TTLL9: variants seen among roughly 807,000 people sequenced by gnomAD.
TTLL9 encodes the protein probable tubulin polyglutamylase TTLL9.
A neutral mutation model predicts 65.6 loss-of-function variants in TTLL9; 47 were observed. The ratio of observed to expected loss-of-function variants is 0.72; its 90% CI spans 0.57 to 0.91. TTLL9 has a LOEUF of 0.91. TTLL9 is among the 40% of genes least tolerant of loss of function. TTLL9 has a pLI of 0.00. For synonymous variants in TTLL9, 179 were observed against 204.8 expected (o/e 0.87, Z 1.07); for missense variants, 537 against 568.8 (o/e 0.94, Z 0.57).
chr20:31,930,433 A>G (rs2063989525), intron 10 of TTLL9, among the ~76,000 whole-genome samples: 1 of 152,168 alleles, frequency 6.6e-6, no homozygotes, highest in Non-Finnish European at 1.5e-5. Context: ...GAAATTATAT[A>G]TCTTCTATTA....
chr20:31,902,944 A>C (rs2063499098), intron 4 of TTLL9, among the ~76,000 whole-genome samples: 1 of 151,954 alleles, frequency 6.6e-6, no homozygotes, highest in Non-Finnish European at 1.5e-5. Flanking sequence ...GCCAACTACA[A>C]CCTTGACCTC....
chr20:31,886,207 T>C (rs1051772244), intron 2 of TTLL9, among the ~76,000 whole-genome samples: 1 of 152,196 alleles, frequency 6.6e-6, no homozygotes, highest in African/African-American at 2.4e-5. Context: ...TGGATTCCCA[T>C]CATTTTAAGC....
intron 10 of TTLL9, among the ~76,000 whole-genome samples, chr20:31,930,153 AT>A (rs2063983255): frequency 6.6e-6 from 1 of 151,758 alleles, no homozygotes; most frequent in South Asian, 2.1e-4. Context: ...AAAATAAAAT[AT>A]TTTTACCCTC....
At chr20:31,885,008 T>C (rs886692291) in intron 2 of TTLL9, among the ~76,000 whole-genome samples, 7 of 152,152 alleles carry the variant, frequency 4.6e-5, no homozygotes, top group African/African-American at 1.7e-4. Context: ...TAATTAAAAA[T>C]GTACAAGGCT....
intron 14 of TTLL9, among the ~76,000 whole-genome samples, chr20:31,941,504 T>C (rs979276642): frequency 6.6e-5 from 10 of 152,184 alleles, no homozygotes; most frequent in South Asian, 4.2e-4. Flanking sequence ...ATCAGTAGCT[T>C]TTAAAGCTCC....
Position 31,937,528 on chromosome 20 carries a change from G to T in TTLL9, c.1118+19G>T. 1 of 1,590,176 alleles carries T rather than the reference G, an allele frequency of 6.3e-7. No individual in the cohort carries two copies. The stretch of plus-strand genomic sequence containing the variant: ...AAGCGAGGTGAGGGAGGGCAGCCTT[G>T]ATCACATGTCCTTGTACATGACAAC... On this transcript the variant is annotated intron_variant, in intron 13 of 14. Transcript: ENST00000535842.
Position 31,870,889 on chromosome 20 carries a change from G to T in TTLL9, c.-66G>T. The T allele has an allele frequency of 1.8e-6, 1 of 551,140 alleles. No individual in the cohort carries two copies. Among genetic ancestry groups the T allele is most frequent in the Non-Finnish European group, 3.2e-6 (1 of 312,738 alleles). 34.1% of individuals were successfully genotyped at this position (551,140 alleles called of 1,614,324 possible). A position where few individuals can be genotyped will look rare whatever the true frequency, so the allele number is the denominator to read the frequency against. On this transcript the variant is annotated 5_prime_UTR_variant, in exon 1 of 15. Coordinates refer to ENST00000535842, the MANE Select transcript of TTLL9 (RefSeq NM_001008409.5). This position sits in a 1 kb window ranked among gnomAD's most constrained non-coding sequence, Gnocchi z 6.6. ...CCTCGGCTTCTAGCAGAAACGTGAC[G>T]GGGCTGGACTTTGATCGCCGAGGGC...
intron 7 of TTLL9, among the ~76,000 whole-genome samples, chr20:31,922,132 G>T (rs1437269278): frequency 6.6e-6 from 1 of 152,006 alleles, no homozygotes; most frequent in African/African-American, 2.4e-5. Context: ...AACCATGGTG[G>T]CTGTCACCTG....
At chr20:31,933,318 C>T (rs553089751) in intron 10 of TTLL9, among the ~76,000 whole-genome samples, 1 of 152,024 alleles carries the variant, frequency 6.6e-6, no homozygotes, top group South Asian at 2.1e-4. Flanking sequence ...ACAAAGTGGC[C>T]GCCCAGCCTG....
Position 31,926,044 on chromosome 20 carries a change from C to T in TTLL9, c.706-5C>T, listed in dbSNP as rs1481526238. 6.2e-7 allele frequency: 1 copy of T among 1,613,956 alleles called. No homozygotes were observed. The highest frequency in any genetic ancestry group is 8.5e-7 in the Non-Finnish European group (1 of 1,179,944). ...CAGTCCCAAGTGAACTCCTTTGTCC[C>T]ACAGGTGTTTGCTGAATGCCTGCTG... On this transcript the variant is annotated splice_region_variant and splice_polypyrimidine_tract_variant and intron_variant, in intron 9 of 14. Transcript: ENST00000535842.
At chr20:31,893,773 T>C (rs1388725089) in intron 3 of TTLL9, among the ~76,000 whole-genome samples, 1 of 152,108 alleles carries the variant, frequency 6.6e-6, no homozygotes, top group Admixed American at 6.6e-5. Context: ...ATTGAGCATC[T>C]TGGATCTGTG....
At chr20:31,920,345 G>A (rs906220945) in intron 7 of TTLL9, among the ~76,000 whole-genome samples, 1 of 152,142 alleles carries the variant, frequency 6.6e-6, no homozygotes, top group African/African-American at 2.4e-5. Context: ...TGGCTGGGGA[G>A]AGTTTGGCTG....
intron 6 of TTLL9, among the ~76,000 whole-genome samples, chr20:31,914,147 A>AT (rs2063697836): frequency 6.6e-6 from 1 of 152,234 alleles, no homozygotes; most frequent in South Asian, 2.1e-4. Flanking sequence ...ACATTTTAAC[A>AT]TTCCATCACA....
intron 12 of TTLL9, among the ~76,000 whole-genome samples, chr20:31,936,471 T>C (rs1465478028): frequency 2.0e-5 from 3 of 151,240 alleles, no homozygotes; most frequent in Non-Finnish European, 2.9e-5. Context: ...TTCTGACTCT[T>C]TAAAAAAAAA....
intron 14 of TTLL9, among the ~76,000 whole-genome samples, chr20:31,942,557 TGGCACCAG>T (rs1240498699): frequency 4.6e-5 from 7 of 152,214 alleles, no homozygotes; most frequent in African/African-American, 7.2e-5. Flanking sequence ...AGTGTGGCTC[TGGCACCAG>T]GTAGTCTGGG....
chr20:31,873,066 T>C (rs6058475), intron 2 of TTLL9: 46,203 of 514,372 alleles, frequency 0.09, 3,911 homozygotes, highest in African/African-American at 0.31. Context: ...TGACCTGGGA[T>C]AGAGTGGGAC....
At chr20:31,895,098 T>A (rs1036592235) in intron 3 of TTLL9, among the ~76,000 whole-genome samples, 12 of 152,178 alleles carry the variant, frequency 7.9e-5, no homozygotes, top group Non-Finnish European at 1.8e-4. Context: ...ATACAAGAAG[T>A]AGAACTGCAA....
At chr20:31,885,752 A>G (rs1290045199) in intron 2 of TTLL9, among the ~76,000 whole-genome samples, 3 of 152,186 alleles carry the variant, frequency 2.0e-5, no homozygotes, top group Non-Finnish European at 4.4e-5. Context: ...TGCCTTGTAC[A>G]ATTCTCTCTC....
chr20:31,895,435 A>G (rs2063369177), intron 3 of TTLL9, among the ~76,000 whole-genome samples: 1 of 152,238 alleles, frequency 6.6e-6, no homozygotes, highest in Non-Finnish European at 1.5e-5. Flanking sequence ...TCATGTGGGA[A>G]GCTGTGGTTT....
Sources: gnomAD v4.1 joint callset for allele counts (sites outside exome capture counted in the v4.1 genomes callset) on GRCh38, gnomAD v4.1.1 for gene constraint, Gnocchi (gnomAD v3.1) non-coding constraint, MANE v1.5 for transcripts, NCBI Gene and HGNC (gene_info 2026-07-23, HGNC 2026-07-21) for gene names.